The following MBTD1 variants were observed in gnomAD, a reference collection of about 807,000 sequenced individuals.
MBTD1 encodes the protein MBT domain-containing protein 1.
In MBTD1, 24 loss-of-function variants were observed where a neutral mutation model predicts 87.8. The observed-to-expected ratio is 0.27, with a 90% CI of 0.20 to 0.38. The LOEUF is 0.38. Among genes scored for constraint, MBTD1 ranks in the 10% least tolerant of loss-of-function variants. MBTD1 has a pLI of 1.00. For missense variants in MBTD1, 436 were observed against 760.2 expected (o/e 0.57, Z 5.02); for synonymous variants, 237 against 248.6 (o/e 0.95, Z 0.44).
At chr17:51,190,750 A>AAAAAAAAATATATATATATATATAT (rs1555677185) in intron 16 of MBTD1, among the ~76,000 whole-genome samples, 1 of 39,714 alleles carries the variant, frequency 2.5e-5, no homozygotes, top group Admixed American at 4.1e-4. Context: ...AAAAAAAAAA[A>AAAAAAAAATATATATATATATATAT]ATATATATAT....
chr17:51,237,531 G>C (rs1255998516), intron 2 of MBTD1, among the ~76,000 whole-genome samples: 1 of 151,962 alleles, frequency 6.6e-6, no homozygotes, highest in Non-Finnish European at 1.5e-5. Flanking sequence ...GATCTAAACA[G>C]AAATTCAAAG....
chr17:51,218,254 C>T (rs563589166), intron 5 of MBTD1, among the ~76,000 whole-genome samples: 11 of 152,082 alleles, frequency 7.2e-5, no homozygotes, highest in Admixed American at 3.9e-4. Context: ...TCTGGCTGGG[C>T]GCTGTGGCTC....
intron 3 of MBTD1, among the ~76,000 whole-genome samples, chr17:51,221,385 ACAG>A (rs968255811): frequency 3.3e-5 from 5 of 152,252 alleles, no homozygotes; most frequent in East Asian, 1.9e-4. Context: ...ATAGTGGGAA[ACAG>A]CAGAACTCTT....
chr17:51,208,533 ATAAAC>A (rs1193121548), intron 6 of MBTD1, among the ~76,000 whole-genome samples: 2 of 152,254 alleles, frequency 1.3e-5, no homozygotes, highest in Non-Finnish European at 2.9e-5. Context: ...GTAACATAGA[ATAAAC>A]TAACATATAT....
At position 51,259,987 on chromosome 17, in the gene MBTD1, G is replaced by A. The variant is rs1463848360; in HGVS notation, c.-265C>T. 2.9e-6 allele frequency: 2 copies of A among 687,344 alleles called. No individual in the cohort carries two copies. The highest frequency in any genetic ancestry group is 1.9e-5 in the African/African-American group (1 of 54,036). The allele number at this position is 687,344 out of a possible 1,614,324, so 42.6% of individuals were successfully genotyped here. A position where few individuals can be genotyped will look rare whatever the true frequency, so the allele number is the denominator to read the frequency against. ...CCCCGGCTGGGCCCAGACCGGTGGC[G>A]GGTGCAGCAGCCCCCGGATTTCCCC... On this transcript the variant is annotated 5_prime_UTR_variant, in exon 1 of 17. Coordinates refer to ENST00000586178, the MANE Select transcript of MBTD1 (RefSeq NM_017643.3).
rs1337102242 is a variant in MBTD1 at position 51,225,082 on chromosome 17, G to C, written c.80C>G (p.Pro27Arg). 3.2e-6 allele frequency: 5 copies of C among 1,551,624 alleles called. No individual in the cohort carries two copies. In the East Asian group the frequency reaches 1.2e-4, roughly 38 times the overall value. Residue 27 changes from proline (P) to arginine (R), a missense_variant, in exon 3 of 17, where the codon CCT (proline) becomes CGT (arginine). By Grantham distance (103) the Pro-to-Arg change is moderately radical. Coordinates refer to ENST00000586178, the MANE Select transcript of MBTD1 (RefSeq NM_017643.3). ...SSEESEEEVA[P>R]LPSNLPIIKN... ...GATAATCGGGAGATTAGAAGGTAAA[G>C]GAGCGACTTCTTCCTCACTCTCTTC... is the stretch of plus-strand genomic sequence containing the variant.
At chr17:51,240,478 T>C (rs1463731581) in intron 2 of MBTD1, among the ~76,000 whole-genome samples, 1 of 152,190 alleles carries the variant, frequency 6.6e-6, no homozygotes, top group Non-Finnish European at 1.5e-5. Flanking sequence ...CTTGGTCAGA[T>C]ATTTTGCTGA....
intron 16 of MBTD1, chr17:51,185,575 C>T (rs975983883): frequency 6.6e-6 from 1 of 152,174 alleles, no homozygotes; most frequent in African/African-American, 2.4e-5. Context: ...ACTGCCACAA[C>T]TAAAATTAAA....
chr17:51,184,392 T>C (rs2050444433), intron 16 of MBTD1: 1 of 152,230 alleles, frequency 6.6e-6, no homozygotes, highest in Non-Finnish European at 1.5e-5. Context: ...GAAATCATAT[T>C]TTTCCAGCTA....
chr17:51,201,626 T>C lies in MBTD1; in HGVS notation c.1190A>G (p.Asn397Ser). 1 of 1,610,400 alleles carries C rather than the reference T, an allele frequency of 6.2e-7. No homozygotes were observed. Among genetic ancestry groups the C allele is most frequent in the Non-Finnish European group, 8.5e-7 (1 of 1,178,114 alleles). ...GMKLEAIDPL[N>S]LSTICVATIR... ...GGTTGCGACACATATTGTAGAAAGA[T>C]TTAATGGGTCTATAGCTTCCAATTT... The change falls in exon 12 of 17, where the codon AAT becomes AGT. Residue 397 changes from asparagine (N) to serine (S), a missense_variant. Asn to Ser is a conservative substitution (Grantham distance 46). Around this residue, in one of 5 missense-constraint regions of MBTD1, gnomAD observed 268 missense variants for 401.8 expected, o/e 0.67. Transcript: ENST00000586178.
chr17:51,247,730 G>C (rs1361619081), intron 2 of MBTD1, among the ~76,000 whole-genome samples: 1 of 152,124 alleles, frequency 6.6e-6, no homozygotes, highest in Non-Finnish European at 1.5e-5. Context: ...GATTACAGGC[G>C]TGAGCCACTG....
intron 2 of MBTD1, among the ~76,000 whole-genome samples, chr17:51,233,983 GA>G (rs964609185): frequency 6.8e-6 from 1 of 148,004 alleles, no homozygotes; most frequent in African/African-American, 2.5e-5. Flanking sequence ...TAGAAAAAAG[GA>G]AAAAAAAAGA....
At chr17:51,223,409 G>A (rs1358211502) in intron 3 of MBTD1, among the ~76,000 whole-genome samples, 2 of 151,910 alleles carry the variant, frequency 1.3e-5, no homozygotes, top group Non-Finnish European at 2.9e-5. Context: ...GGTAGCATGT[G>A]CCTACAGTAC....
Position 51,218,965 on chromosome 17 carries a change from T to G in MBTD1, c.368A>C (p.Gln123Pro). ...CTTTGCTTGATTTTGCAAGGTAGCT[T>G]GATACTGAGCATATGCGGCTAGCTT... is the stretch of plus-strand genomic sequence containing the variant. ...VAKLAAYAQYQATLQNQAKTK... is the reference protein window; with the variant it reads ...VAKLAAYAQYPATLQNQAKTK... Residue 123 changes from glutamine to proline, a missense_variant, in exon 5 of 17, where the codon CAA becomes CCA. Physicochemically the swap from Gln to Pro is moderately conservative, Grantham distance 76. This residue lies in a region of MBTD1 where 268 missense variants were observed against 401.8 expected (regional missense o/e 0.67). Transcript: ENST00000586178. 2 of 1,550,972 alleles carry G rather than the reference T, an allele frequency of 1.3e-6. No individual in the cohort carries two copies. Among genetic ancestry groups the G allele is most frequent in the Non-Finnish European group, 1.7e-6 (2 of 1,146,402 alleles).
At chr17:51,247,260 A>G (rs941485390) in intron 2 of MBTD1, among the ~76,000 whole-genome samples, 1 of 152,158 alleles carries the variant, frequency 6.6e-6, no homozygotes, top group Non-Finnish European at 1.5e-5. Context: ...AACTACATAA[A>G]TAGATTTCCA....
At chr17:51,246,408 G>C (rs2054437802) in intron 2 of MBTD1, among the ~76,000 whole-genome samples, 1 of 152,134 alleles carries the variant, frequency 6.6e-6, no homozygotes, top group Non-Finnish European at 1.5e-5. Context: ...TTGGACTTCA[G>C]GTTTTTGGAT....
At chr17:51,245,142 T>C (rs1249966020) in intron 2 of MBTD1, among the ~76,000 whole-genome samples, 1 of 152,140 alleles carries the variant, frequency 6.6e-6, no homozygotes, top group Non-Finnish European at 1.5e-5. Flanking sequence ...CCTCGTGATC[T>C]GCTCGCCTCA....
At chr17:51,247,208 A>G (rs2054490291) in intron 2 of MBTD1, among the ~76,000 whole-genome samples, 1 of 152,176 alleles carries the variant, frequency 6.6e-6, no homozygotes, top group Admixed American at 6.5e-5. Context: ...CGGCTTCTAT[A>G]AAGAGAACAC....
At chr17:51,236,402 T>C (rs1036632591) in intron 2 of MBTD1, among the ~76,000 whole-genome samples, 1 of 152,128 alleles carries the variant, frequency 6.6e-6, no homozygotes, top group Admixed American at 6.6e-5. Context: ...TGTGCCACTA[T>C]GCCTAGCTAA....
Sources: gnomAD v4.1 joint callset for allele counts (sites outside exome capture counted in the v4.1 genomes callset) on GRCh38, gnomAD v4.1.1 for gene constraint, gnomAD v4.1.1 regional missense constraint, MANE v1.5 for transcripts, NCBI Gene and HGNC (gene_info 2026-07-23, HGNC 2026-07-21) for gene names.